BANP: variants seen among roughly 807,000 people sequenced by gnomAD.
BANP encodes the protein BTG3 associated nuclear protein.
In BANP, 11 loss-of-function variants were observed where a neutral mutation model predicts 68.1. The ratio of observed to expected loss-of-function variants is 0.16; its 90% CI spans 0.10 to 0.27. The LOEUF (loss-of-function observed/expected upper bound fraction) is 0.27. Among genes scored for constraint, BANP ranks in the 10% least tolerant of loss-of-function variants. The pLI, the probability that BANP is intolerant of heterozygous loss-of-function variation, is 1.00. For synonymous variants in BANP, 329 were observed against 303.2 expected, an observed-to-expected ratio of 1.09 and a Z score of -0.88; for missense variants, 504 against 722.7, an observed-to-expected ratio of 0.70 and a Z score of 3.47.
chr16:88,071,834 G>A lies in BANP; in HGVS notation c.1378-235G>A, dbSNP rs1458500886. The A allele has an allele frequency of 1.4e-6, 1 of 701,940 alleles. No homozygotes were observed. The highest frequency in any genetic ancestry group is 1.7e-5 in the African/African-American group (1 of 57,242). 43.5% of individuals were successfully genotyped at this position (701,940 alleles called of 1,614,324 possible). A position where few individuals can be genotyped will look rare whatever the true frequency, so the allele number is the denominator to read the frequency against. ...TCTGCTCTGTAGGTGCTTGAGGGCG[G>A]AGTTGCAGATCCAGCAGAGACTCGA... On this transcript the variant is annotated intron_variant, in intron 12 of 13. Coordinates refer to ENST00000682872, the MANE Select transcript of BANP (RefSeq NM_001386991.1). The surrounding 1 kb of genome is among the most constrained non-coding windows in gnomAD (Gnocchi z 6.5).
chr16:88,035,437 G>T, intron 10 of BANP, 43 bp downstream of exon 10: 1 of 1,531,942 alleles, frequency 6.5e-7, no homozygotes, highest in Non-Finnish European at 8.9e-7. Flanking sequence ...CAGGCACCGT[G>T]CCCACATGCT....
chr16:88,019,604 A>G (rs1342241416), intron 7 of BANP, among the ~76,000 whole-genome samples: 3 of 17,594 alleles, frequency 1.7e-4, no homozygotes, highest in African/African-American at 9.6e-4. Flanking sequence ...GCGGGATCTC[A>G]GCGTGCGGGG....
At chr16:87,962,824 A>G (rs1330017991) in intron 1 of BANP, among the ~76,000 whole-genome samples, 3 of 152,196 alleles carry the variant, frequency 2.0e-5, no homozygotes, top group South Asian at 4.1e-4. Flanking sequence ...GTTATTTCCC[A>G]TCTCATTCTT....
intron 6 of BANP, among the ~76,000 whole-genome samples, chr16:88,007,305 C>T (rs2071513847): frequency 6.6e-6 from 1 of 152,186 alleles, no homozygotes; most frequent in African/African-American, 2.4e-5. Flanking sequence ...GGCTAGAGGA[C>T]GCAGCTTCCA....
In BANP at chr16:88,047,998, C is replaced by T. The variant is rs531722469; in HGVS notation, c.1311+9987C>T. ...TTAGGGGGCTGTCCCCTGGGGAGGG[C>T]AGGAAAGCTGATGGGTGATGGGACG... On this transcript the variant is annotated intron_variant, in intron 11 of 13. Transcript: ENST00000682872. Among the ~76,000 whole-genome samples, 21 of 152,340 alleles carry T rather than the reference C, an allele frequency of 1.4e-4. No individual in the cohort carries two copies. In the South Asian group the frequency reaches 3.9e-3, roughly 29 times the overall value.
intron 12 of BANP, among the ~76,000 whole-genome samples, chr16:88,068,529 C>T (rs906401451): frequency 1.3e-5 from 2 of 152,188 alleles, no homozygotes; most frequent in Admixed American, 6.5e-5. Flanking sequence ...GGAACTTTCT[C>T]GGGGCCAGGA....
chr16:88,037,691 A>C, intron 10 of BANP: 1 of 457,584 alleles, frequency 2.2e-6, no homozygotes, highest in Non-Finnish European at 4.0e-6. Context: ...CTTTCAAAAT[A>C]AAAAATGAAG....
intron 11 of BANP, among the ~76,000 whole-genome samples, 176 bp downstream of exon 11, chr16:88,038,187 G>A (rs2079864140): frequency 1.3e-5 from 2 of 151,932 alleles, no homozygotes; most frequent in South Asian, 2.1e-4. Flanking sequence ...TGGGCATTGC[G>A]CTGCCGAGGG....
intron 11 of BANP, among the ~76,000 whole-genome samples, chr16:88,038,770 G>T (rs2080051312): frequency 6.6e-6 from 1 of 152,128 alleles, no homozygotes; most frequent in African/African-American, 2.4e-5. Context: ...GTGTTCCTAG[G>T]TCCTGGTGAA....
intron 12 of BANP, among the ~76,000 whole-genome samples, chr16:88,069,062 C>A (rs977849661): frequency 1.3e-5 from 2 of 152,180 alleles, no homozygotes; most frequent in Non-Finnish European, 2.9e-5. Flanking sequence ...ATGGAGGGCG[C>A]TCCAGTGGGC....
At chr16:87,994,945 C>T (rs931325142) in intron 4 of BANP, among the ~76,000 whole-genome samples, 2 of 152,152 alleles carry the variant, frequency 1.3e-5, no homozygotes, top group Non-Finnish European at 2.9e-5. Flanking sequence ...TGCTTATGTT[C>T]AGGGTGCAGT....
chr16:88,024,702 C>A (rs2076646764), intron 7 of BANP, among the ~76,000 whole-genome samples: 1 of 152,272 alleles, frequency 6.6e-6, no homozygotes, highest in African/African-American at 2.4e-5. Flanking sequence ...GGTCCGTTCT[C>A]TGGATCTCCT....
In BANP at chr16:88,036,592, G is replaced by A. The variant is rs1432354847; in HGVS notation, c.1272+1198G>A. Among the ~76,000 whole-genome samples, 6 of 152,158 alleles carry A rather than the reference G, an allele frequency of 3.9e-5. No individual in the cohort carries two copies. The South Asian group carries it at 6.2e-4, about 16-fold the overall frequency. ...AGTTCCCGGTGGGTTATCCTGAGAG[G>A]GGAGCACATGCGTAAGGGTTCTGAG... is the stretch of plus-strand genomic sequence containing the variant. On this transcript the variant is annotated intron_variant, in intron 10 of 13. Transcript: ENST00000682872. This position sits in a 1 kb window ranked among gnomAD's most constrained non-coding sequence, Gnocchi z 4.2.
chr16:88,052,291 A>G (rs2083439443), intron 11 of BANP, among the ~76,000 whole-genome samples: 1 of 152,190 alleles, frequency 6.6e-6, no homozygotes, highest in South Asian at 2.1e-4. Flanking sequence ...GTGGCAAGCT[A>G]GCGCTCTGCC....
At chr16:87,984,516 C>T (rs1339906574) in intron 4 of BANP, among the ~76,000 whole-genome samples, 1 of 152,238 alleles carries the variant, frequency 6.6e-6, no homozygotes, top group African/African-American at 2.4e-5. Flanking sequence ...TTCTTTGGAA[C>T]TAACCCACCA....
At position 88,006,064 on chromosome 16, in the gene BANP, G is replaced by T; in HGVS notation, c.480-26G>T. 2.5e-6 allele frequency: 4 copies of T among 1,613,282 alleles called. No homozygotes were observed. In the South Asian group the frequency reaches 4.4e-5, roughly 18 times the overall value. On this transcript the variant is annotated intron_variant, in intron 5 of 13. Transcript: ENST00000682872. ...CTGCTTGCGGCTCTTACCACATCGG[G>T]CTGGTGTGTTTTTTTTCCCGTTTAG...
In BANP at chr16:88,033,991, G is replaced by A. The variant is rs187333049; in HGVS notation, c.1200+746G>A. Among the ~76,000 whole-genome samples, 174 of 152,276 alleles carry A rather than the reference G, an allele frequency of 1.1e-3. 1 individual carries two copies. Among genetic ancestry groups the A allele is most frequent in the African/African-American group, 3.9e-3 (163 of 41,544 alleles). On this transcript the variant is annotated intron_variant, in intron 9 of 13. Transcript: ENST00000682872. Reference sequence around the variant, plus strand: ...CTCGCCTATGTTTTTAGTGGCACCAGCCCCCTTGGGCCCTCTGAAGACAGG... The same window carrying A: ...CTCGCCTATGTTTTTAGTGGCACCAACCCCCTTGGGCCCTCTGAAGACAGG...
intron 1 of BANP, among the ~76,000 whole-genome samples, chr16:87,971,152 T>C (rs2061042528): frequency 6.6e-6 from 1 of 152,266 alleles, no homozygotes; most frequent in Non-Finnish European, 1.5e-5. Context: ...GTGAACATTG[T>C]AACATTGGTT....
chr16:87,957,014 C>G lies in BANP; in HGVS notation c.-69+5499C>G, dbSNP rs1376004886. 1 of 152,250 alleles carries G rather than the reference C, an allele frequency of 6.6e-6. No homozygotes were observed. Among genetic ancestry groups the G allele is most frequent in the Admixed American group, 6.5e-5 (1 of 15,284 alleles). The allele number at this position is 152,250 out of a possible 1,614,324, so 9.4% of individuals were successfully genotyped here. On this transcript the variant is annotated intron_variant, in intron 1 of 13. Transcript: ENST00000682872. This position sits in a 1 kb window ranked among gnomAD's most constrained non-coding sequence, Gnocchi z 4.3. ...GAAGTGTTAACTCCTAAGCTGCCAG[C>G]AGATGGTGTGCCGAGATACTGTGAA...
Sources: allele counts gnomAD v4.1 joint callset (sites outside exome capture counted in the v4.1 genomes callset), GRCh38; gene constraint gnomAD v4.1.1; non-coding constraint Gnocchi (gnomAD v3.1); transcripts MANE v1.5; gene names NCBI Gene and HGNC (gene_info 2026-07-23, HGNC 2026-07-21).